CSMD3: variants seen among roughly 807,000 people sequenced by gnomAD.
CSMD3 encodes CUB and sushi domain-containing protein 3.
CSMD3 carries 177 observed loss-of-function variants against 435.2 expected under a neutral mutation model. The observed-to-expected ratio is 0.41, with a 90% CI of 0.36 to 0.46. The LOEUF is 0.46. Among genes scored for constraint, CSMD3 ranks in the 20% least tolerant of loss-of-function variants. The pLI is 0.34. For missense variants in CSMD3, 4,265 were observed against 4,504.6 expected (o/e 0.95, Z 1.52); for synonymous variants, 1,656 against 1,520.5 (o/e 1.09, Z -2.07).
At chr8:112,883,687 T>C (rs2081510747) in intron 10 of CSMD3, among the ~76,000 whole-genome samples, 1 of 151,924 alleles carries the variant, frequency 6.6e-6, no homozygotes, top group Non-Finnish European at 1.5e-5. Flanking sequence ...ACTAAGAAAT[T>C]ACCCTTAGTA....
chr8:112,368,271 T>C (rs1827980767), intron 38 of CSMD3, among the ~76,000 whole-genome samples: 1 of 152,180 alleles, frequency 6.6e-6, no homozygotes, highest in Non-Finnish European at 1.5e-5. Flanking sequence ...TCTCTGTTCA[T>C]CACCTAAATT....
intron 1 of CSMD3, among the ~76,000 whole-genome samples, chr8:113,368,746 A>G (rs2094329134): frequency 6.6e-6 from 1 of 152,096 alleles, no homozygotes; most frequent in Non-Finnish European, 1.5e-5. Flanking sequence ...CTGTGTCCTA[A>G]CAACTGAATA....
intron 7 of CSMD3, among the ~76,000 whole-genome samples, chr8:112,969,922 A>G (rs1260961266): frequency 6.6e-6 from 1 of 152,042 alleles, no homozygotes; most frequent in East Asian, 1.9e-4. Context: ...AGGATACCCA[A>G]TTGTGCTTAT....
intron 5 of CSMD3, among the ~76,000 whole-genome samples, chr8:113,088,749 T>C (rs921915200): frequency 6.8e-6 from 1 of 146,600 alleles, no homozygotes; most frequent in African/African-American, 2.5e-5. Context: ...TTAGGAGATA[T>C]ACCTAATGCT....
At chr8:112,550,290 A>AT (rs200962689) in intron 27 of CSMD3, among the ~76,000 whole-genome samples, 3,459 of 152,106 alleles carry the variant, frequency 0.023, 130 homozygotes, top group African/African-American at 0.077. Flanking sequence ...GTAGGGTTGT[A>AT]TTTTTTGTAA....
At chr8:113,435,249 A>T (rs2094698634) in intron 1 of CSMD3, among the ~76,000 whole-genome samples, 1 of 152,184 alleles carries the variant, frequency 6.6e-6, no homozygotes, top group African/African-American at 2.4e-5. Flanking sequence ...AGAAAAATCA[A>T]GCTTCAAGGA....
chr8:112,634,709 C>T (rs142594909), intron 22 of CSMD3, among the ~76,000 whole-genome samples: 395 of 151,940 alleles, frequency 2.6e-3, no homozygotes, highest in African/African-American at 9.0e-3. Flanking sequence ...TAAAATATAT[C>T]ATAAATATAA....
intron 1 of CSMD3, among the ~76,000 whole-genome samples, chr8:113,342,598 G>C (rs544122002): frequency 6.6e-6 from 1 of 152,012 alleles, no homozygotes; most frequent in Non-Finnish European, 1.5e-5. Flanking sequence ...GACTCAACTC[G>C]ACTCTACTCT....
At chr8:112,576,663 T>A (rs571583763) in intron 23 of CSMD3, among the ~76,000 whole-genome samples, 2 of 151,860 alleles carry the variant, frequency 1.3e-5, no homozygotes, top group Non-Finnish European at 2.9e-5. Context: ...CCCAAGTAGC[T>A]TGCACTACAG....
At chr8:112,594,526 G>A (rs1831506588) in intron 22 of CSMD3, among the ~76,000 whole-genome samples, 1 of 152,214 alleles carries the variant, frequency 6.6e-6, no homozygotes, top group South Asian at 2.1e-4. Context: ...ACAGCTCAAG[G>A]AGGCCTGCCT....
chr8:113,377,513 G>T (rs1336386298), intron 1 of CSMD3, among the ~76,000 whole-genome samples: 6 of 152,104 alleles, frequency 3.9e-5, no homozygotes, highest in African/African-American at 1.4e-4. Flanking sequence ...TGTCTTATGT[G>T]CCAGCTATCT....
chr8:112,547,774 G>A (rs1044942944), intron 27 of CSMD3, among the ~76,000 whole-genome samples: 1 of 152,130 alleles, frequency 6.6e-6, no homozygotes, highest in African/African-American at 2.4e-5. Context: ...AAGGTTTGGT[G>A]ATGGAAAGCA....
intron 1 of CSMD3, among the ~76,000 whole-genome samples, chr8:113,428,216 C>T (rs1187445274): frequency 1.0e-5 from 1 of 98,774 alleles, no homozygotes; most frequent in African/African-American, 3.3e-5. Flanking sequence ...ATCTATCTAT[C>T]TATCTATCTA....
At position 112,859,145 on chromosome 8, in the gene CSMD3, C is replaced by T. The variant is rs372006589; in HGVS notation, c.1755G>A (p.Lys585=). ...VWVITAVNTN[K]VIQINFEEFD... ...TAAATCACAGATGGTGTTCTCTTAC[C>T]TTATTTGTATTCACTGCTGTGATGA... Residue 585 remains lysine, a splice_region_variant and synonymous_variant, in exon 11 of 71, where the codon AAG becomes AAA. Transcript: ENST00000297405. 2.9e-5 allele frequency: 46 copies of T among 1,609,596 alleles called. No individual in the cohort carries two copies. The highest frequency in any genetic ancestry group is 3.7e-5 in the Non-Finnish European group (44 of 1,176,840).
At chr8:113,132,397 A>G (rs1404328723) in intron 4 of CSMD3, among the ~76,000 whole-genome samples, 1 of 152,048 alleles carries the variant, frequency 6.6e-6, no homozygotes, top group African/African-American at 2.4e-5. Context: ...GTGGGAGATG[A>G]TTGGATCATG....
At chr8:113,359,587 A>T (rs139558541) in intron 1 of CSMD3, among the ~76,000 whole-genome samples, 52 of 152,318 alleles carry the variant, frequency 3.4e-4, no homozygotes, top group African/African-American at 1.3e-3. Flanking sequence ...ACTAAAGAGA[A>T]CAGCAAACAT....
intron 58 of CSMD3, among the ~76,000 whole-genome samples, chr8:112,283,297 T>C (rs1233329764): frequency 6.6e-6 from 1 of 151,894 alleles, no homozygotes; most frequent in Non-Finnish European, 1.5e-5. Context: ...AAGTATATTT[T>C]ATATGTTTGC....
chr8:112,311,241 C>G (rs1432111520), intron 49 of CSMD3, 75 bp from the exon 50 acceptor site: 1 of 1,209,560 alleles, frequency 8.3e-7, no homozygotes, highest in East Asian at 2.4e-5. Context: ...AACACCTATA[C>G]AGCGACTAGT....
chr8:112,564,595 C>T (rs1828918993), intron 24 of CSMD3, among the ~76,000 whole-genome samples: 1 of 152,038 alleles, frequency 6.6e-6, no homozygotes, highest in African/African-American at 2.4e-5. Context: ...GAAACTGCTG[C>T]CACATCCAAC....
Sources: gnomAD v4.1 joint callset for allele counts (sites outside exome capture counted in the v4.1 genomes callset) on GRCh38, gnomAD v4.1.1 for gene constraint, MANE v1.5 for transcripts, NCBI Gene and HGNC (gene_info 2026-07-23, HGNC 2026-07-21) for gene names.